Variants in EPB41L3 observed in about 807,000 individuals in gnomAD.
The protein encoded by EPB41L3 is band 4.1-like protein 3.
EPB41L3 carries 57 observed loss-of-function variants against 127.1 expected under a neutral mutation model. The observed-to-expected ratio is 0.45, with a 90% CI of 0.36 to 0.56. The LOEUF is 0.56. EPB41L3 is among the 20% of genes least tolerant of loss of function. EPB41L3 has a pLI of 0.00. For missense variants in EPB41L3, 1,273 were observed against 1,372.2 expected, an observed-to-expected ratio of 0.93 and a Z score of 1.14; for synonymous variants, 572 against 549.5, an observed-to-expected ratio of 1.04 and a Z score of -0.57.
intron 3 of EPB41L3, among the ~76,000 whole-genome samples, chr18:5,549,423 TAACA>T (rs1411386915): frequency 6.6e-6 from 1 of 152,244 alleles, no homozygotes; most frequent in Admixed American, 6.5e-5. Flanking sequence ...CCTTGGCTAC[TAACA>T]CTTTCCTATG....
intron 1 of EPB41L3, among the ~76,000 whole-genome samples, chr18:5,617,371 T>C (rs1463201830): frequency 2.7e-5 from 4 of 150,934 alleles, no homozygotes; most frequent in South Asian, 2.1e-4. Context: ...CAGGCTGGAG[T>C]GCAGTGGTGC....
At chr18:5,445,337 G>T in intron 3 of EPB41L3, 93 bp from the exon 4 acceptor site, 1 of 1,008,624 alleles carries the variant, frequency 9.9e-7, no homozygotes, top group Non-Finnish European at 1.5e-6. Context: ...TTAAAACATT[G>T]CTTGGTGTAA....
intron 12 of EPB41L3, among the ~76,000 whole-genome samples, chr18:5,419,162 G>C (rs1247272118): frequency 2.0e-5 from 3 of 152,204 alleles, no homozygotes; most frequent in African/African-American, 7.2e-5. Context: ...AGAAGCTGCT[G>C]CCAAATTCCC....
intron 2 of EPB41L3, among the ~76,000 whole-genome samples, chr18:5,482,510 C>T (rs1012529443): frequency 1.3e-5 from 2 of 152,176 alleles, no homozygotes; most frequent in Admixed American, 1.3e-4. Flanking sequence ...ACAGGGAAGT[C>T]TGAGAACATC....
intron 16 of EPB41L3, chr18:5,398,864 C>T: frequency 2.5e-6 from 1 of 399,320 alleles, no homozygotes; most frequent in Admixed American, 4.4e-5. Context: ...GCTGTGGAGC[C>T]TTCTTGAGGT....
chr18:5,467,993 G>C (rs951618824), intron 3 of EPB41L3, among the ~76,000 whole-genome samples: 1 of 152,150 alleles, frequency 6.6e-6, no homozygotes, highest in African/African-American at 2.4e-5. Context: ...GTAAGTGCCT[G>C]CTCCCACTGC....
chr18:5,523,336 C>G (rs1027106220), intron 1 of EPB41L3, among the ~76,000 whole-genome samples: 1 of 152,120 alleles, frequency 6.6e-6, no homozygotes, highest in African/African-American at 2.4e-5. Context: ...TTTTCTTCTT[C>G]AAACTAGCTT....
chr18:5,460,965 C>T (rs1342884435), intron 3 of EPB41L3, among the ~76,000 whole-genome samples: 1 of 151,994 alleles, frequency 6.6e-6, no homozygotes, highest in Non-Finnish European at 1.5e-5. Context: ...TAATAGAAAC[C>T]CCAAGTTAAA....
chr18:5,529,999 C>T (rs1405230916), intron 1 of EPB41L3, among the ~76,000 whole-genome samples: 1 of 151,858 alleles, frequency 6.6e-6, no homozygotes, highest in Non-Finnish European at 1.5e-5. Context: ...TCCCCTCTCC[C>T]TCACCTCCCA....
At chr18:5,549,125 G>A (rs1397845235), upstream of EPB41L3, among the ~76,000 whole-genome samples, 1 of 152,232 alleles carries the variant, frequency 6.6e-6, no homozygotes, top group Non-Finnish European at 1.5e-5. Context: ...AGGAAAATGT[G>A]TGATGGTTAA....
chr18:5,432,062 G>T (rs1357509900), intron 8 of EPB41L3, among the ~76,000 whole-genome samples: 2 of 152,154 alleles, frequency 1.3e-5, no homozygotes, highest in African/African-American at 4.8e-5. Flanking sequence ...GCCTTGGAGA[G>T]CTCATCCTGC....
At chr18:5,499,565 C>T (rs770723829) in intron 1 of EPB41L3, among the ~76,000 whole-genome samples, 2 of 151,796 alleles carry the variant, frequency 1.3e-5, no homozygotes, top group Non-Finnish European at 2.9e-5. Context: ...AGATCAAGAC[C>T]ATCCTGGCTA....
chr18:5,413,091 C>G (rs1330724924), intron 13 of EPB41L3, among the ~76,000 whole-genome samples: 1 of 152,074 alleles, frequency 6.6e-6, no homozygotes, highest in Non-Finnish European at 1.5e-5. Context: ...TGTATGATGA[C>G]TACATAAAAC....
intron 4 of EPB41L3, among the ~76,000 whole-genome samples, chr18:5,444,535 G>A (rs2081219962): frequency 6.6e-6 from 1 of 152,176 alleles, no homozygotes; most frequent in African/African-American, 2.4e-5. Flanking sequence ...AGGTAGTTGC[G>A]TGGATTAAGG....
At chr18:5,524,254 C>T (rs552122839) in intron 1 of EPB41L3, among the ~76,000 whole-genome samples, 17 of 152,008 alleles carry the variant, frequency 1.1e-4, no homozygotes, top group East Asian at 5.8e-4. Context: ...AGTGCAGCGG[C>T]GCAATCTCGG....
intron 1 of EPB41L3, among the ~76,000 whole-genome samples, chr18:5,506,900 G>A (rs2092244904): frequency 6.6e-6 from 1 of 152,024 alleles, no homozygotes; most frequent in Non-Finnish European, 1.5e-5. Context: ...GTAATTTCTG[G>A]GCAAAATGAC....
intron 1 of EPB41L3, among the ~76,000 whole-genome samples, chr18:5,514,874 G>A (rs961007780): frequency 1.3e-5 from 2 of 152,114 alleles, no homozygotes; most frequent in African/African-American, 4.8e-5. Flanking sequence ...CAAATTACAG[G>A]TATATAATGT....
At chr18:5,525,376 T>C (rs571762164) in intron 1 of EPB41L3, among the ~76,000 whole-genome samples, 1 of 152,310 alleles carries the variant, frequency 6.6e-6, no homozygotes, top group East Asian at 1.9e-4. Context: ...TAACACACAG[T>C]AACACAATGA....
rs1440902745 is a variant in EPB41L3 at position 5,487,560 on chromosome 18, C to T, written c.183+1441G>A. Reference sequence around the variant, plus strand: ...AGTCTGGAGGGCAGTGGTGTAATCTCGGCTCACTGAAATCTCCACTTCCTG... The same window carrying T: ...AGTCTGGAGGGCAGTGGTGTAATCTTGGCTCACTGAAATCTCCACTTCCTG... On this transcript the variant is annotated intron_variant, in intron 2 of 22. Coordinates refer to ENST00000341928, the MANE Select transcript of EPB41L3 (RefSeq NM_012307.5). Among the ~76,000 whole-genome samples, 5 of 149,442 alleles carry T rather than the reference C, an allele frequency of 3.3e-5. No individual in the cohort carries two copies. In the East Asian group the frequency reaches 5.9e-4, roughly 18 times the overall value.
Sources: gnomAD v4.1 joint callset for allele counts (sites outside exome capture counted in the v4.1 genomes callset) on GRCh38, gnomAD v4.1.1 for gene constraint, MANE v1.5 for transcripts, NCBI Gene and HGNC (gene_info 2026-07-23, HGNC 2026-07-21) for gene names.